NFIB: variants seen among roughly 807,000 people sequenced by gnomAD.
NFIB encodes nuclear factor 1 B-type.
Under a neutral mutation model 61.5 loss-of-function variants are expected in NFIB, and 11 were observed. The ratio of observed to expected loss-of-function variants is 0.18; its 90% CI spans 0.11 to 0.30. NFIB has a LOEUF of 0.30. Ranked by LOEUF, NFIB falls within the 10% of genes least tolerant of loss-of-function variation. The probability of loss-of-function intolerance (pLI) is 1.00; values close to 1 mark genes in which losing one functional copy is unlikely to be tolerated. For missense variants in NFIB, 471 were observed against 608.9 expected (o/e 0.77, Z 2.38); for synonymous variants, 260 against 216.5 (o/e 1.20, Z -1.76).
intron 10 of NFIB, among the ~76,000 whole-genome samples, chr9:14,107,695 T>A (rs1295858574): frequency 6.6e-6 from 1 of 152,088 alleles, no homozygotes; most frequent in African/African-American, 2.4e-5. Context: ...TGACTCCTAA[T>A]CCCTGGTTCT....
At chr9:14,531,101 T>C in the NFIB span, among the ~76,000 whole-genome samples, 1 of 152,172 alleles carries the variant, frequency 6.6e-6, no homozygotes, top group Non-Finnish European at 1.5e-5. Context: ...TAGCACTTTT[T>C]GGATGTGAAA....
At chr9:14,498,405 T>C in the NFIB span, among the ~76,000 whole-genome samples, 4 of 152,248 alleles carry the variant, frequency 2.6e-5, no homozygotes, top group Non-Finnish European at 5.9e-5. Context: ...CCAACTGTCC[T>C]ACTGGGTAGC....
the NFIB span, among the ~76,000 whole-genome samples, chr9:14,521,763 C>G: frequency 6.6e-6 from 1 of 152,188 alleles, no homozygotes; most frequent in Non-Finnish European, 1.5e-5. Flanking sequence ...AGCAATCACT[C>G]AGTCCCTAAA....
the NFIB span, among the ~76,000 whole-genome samples, chr9:14,503,088 G>GTA: frequency 0.11 from 15,709 of 147,236 alleles, 804 homozygotes; most frequent in African/African-American, 0.13. Flanking sequence ...GTATTTTATG[G>GTA]TATATATATA....
chr9:14,390,806 C>T (rs2061610706), intron 1 of NFIB, among the ~76,000 whole-genome samples: 1 of 152,190 alleles, frequency 6.6e-6, no homozygotes, highest in African/African-American at 2.4e-5. Flanking sequence ...AATCTGCTGG[C>T]ACATTGATCT....
chr9:14,096,731 C>T (rs982128230), intron 10 of NFIB: 3 of 152,212 alleles, frequency 2.0e-5, no homozygotes, highest in African/African-American at 7.2e-5. Flanking sequence ...GCCTTCTTCA[C>T]GCTTCGGCTC....
chr9:14,321,009 G>C (rs922084933), intron 1 of NFIB, among the ~76,000 whole-genome samples: 5 of 152,024 alleles, frequency 3.3e-5, no homozygotes, highest in Admixed American at 2.6e-4. Context: ...TCCAACCCGA[G>C]CAGAAGATGG....
rs948629290 is a variant in NFIB at position 14,387,011 on chromosome 9, T to C, written c.108+11513A>G. Among the ~76,000 whole-genome samples the C allele has an allele frequency of 2.6e-5, 4 of 152,218 alleles. No homozygotes were observed. The South Asian group carries it at 8.3e-4, about 32-fold the overall frequency. Reference sequence around the variant, plus strand: ...GAGGAGAAAAAATGTAAAATGAAACTGACCACAGAATGCTTTTCAAGGACT... The same window carrying C: ...GAGGAGAAAAAATGTAAAATGAAACCGACCACAGAATGCTTTTCAAGGACT... On this transcript the variant is annotated intron_variant, in intron 1 of 8. Transcript: ENST00000380934.
intron 2 of NFIB, among the ~76,000 whole-genome samples, chr9:14,211,564 G>A (rs750102671): frequency 6.6e-5 from 10 of 152,190 alleles, no homozygotes; most frequent in Non-Finnish European, 1.0e-4. Flanking sequence ...CTCAAGGCAC[G>A]GAACTGGACA....
chr9:14,088,194 C>T lies in NFIB; in HGVS notation c.*115G>A, dbSNP rs750275019. ...TTAAACTATTGTTGTGTTTCTTTTT[C>T]CCTCAGTTGCTTGTTTCTGCTTGAA... On this transcript the variant is annotated 3_prime_UTR_variant, in exon 11 of 11. Transcript: ENST00000380953. 3.3e-5 allele frequency: 49 copies of T among 1,505,544 alleles called. No individual in the cohort carries two copies. The highest frequency in any genetic ancestry group is 4.0e-5 in the Non-Finnish European group (45 of 1,122,324). 93.3% of individuals were successfully genotyped at this position (1,505,544 alleles called of 1,614,324 possible).
the NFIB span, among the ~76,000 whole-genome samples, chr9:14,501,336 C>T: frequency 2.0e-5 from 3 of 152,310 alleles, no homozygotes; most frequent in African/African-American, 7.2e-5. Context: ...CAGAGTCCTT[C>T]AAATGCACCT....
rs1424651253 is a variant in NFIB at position 14,086,384 on chromosome 9, T to TA, written c.*1924_*1925insT. On this transcript the variant is annotated 3_prime_UTR_variant, in exon 11 of 11. Coordinates refer to ENST00000380953, the MANE Select transcript of NFIB (RefSeq NM_001190737.2). ...AAACAAACAAAAAAGCATACATTAT[T>TA]TTTTTTTTAAATCTGTGTACTTACC... 4 of 218,262 alleles carry TA rather than the reference T, an allele frequency of 1.8e-5. No homozygotes were observed. The highest frequency in any genetic ancestry group is 1.2e-4 in the Admixed American group (2 of 17,130). 13.5% of individuals were successfully genotyped at this position (218,262 alleles called of 1,614,324 possible).
At chr9:14,154,936 T>C (rs1047973927) in intron 4 of NFIB, among the ~76,000 whole-genome samples, 6 of 152,166 alleles carry the variant, frequency 3.9e-5, no homozygotes, top group African/African-American at 7.2e-5. Flanking sequence ...ATAATTCTTA[T>C]TCATGACCTC....
At chr9:14,219,852 A>C (rs1263051634) in intron 2 of NFIB, among the ~76,000 whole-genome samples, 1 of 152,234 alleles carries the variant, frequency 6.6e-6, no homozygotes, top group Non-Finnish European at 1.5e-5. Context: ...CAATATATTA[A>C]GAATCCTCTG....
intron 2 of NFIB, among the ~76,000 whole-genome samples, chr9:14,216,032 G>C (rs1474786847): frequency 6.6e-6 from 1 of 152,128 alleles, no homozygotes; most frequent in Non-Finnish European, 1.5e-5. Context: ...TGACGATAAA[G>C]CTGGTATATT....
chr9:14,205,744 G>T (rs1002559687), intron 2 of NFIB, among the ~76,000 whole-genome samples: 3 of 152,140 alleles, frequency 2.0e-5, no homozygotes, highest in African/African-American at 7.2e-5. Flanking sequence ...CAAACTGGTG[G>T]TATTCATCAT....
At chr9:14,474,155 T>A in the NFIB span, among the ~76,000 whole-genome samples, 1 of 152,218 alleles carries the variant, frequency 6.6e-6, no homozygotes, top group Admixed American at 6.5e-5. Flanking sequence ...TTCAGGTGGC[T>A]TTAATAGAAT....
the NFIB span, among the ~76,000 whole-genome samples, chr9:14,531,739 G>A: frequency 6.6e-6 from 1 of 151,342 alleles, no homozygotes; most frequent in East Asian, 1.9e-4. Context: ...TAAAAAGAAG[G>A]CCTATGCCCC....
chr9:14,443,381 T>C, the NFIB span, among the ~76,000 whole-genome samples: 1 of 152,182 alleles, frequency 6.6e-6, no homozygotes, highest in Non-Finnish European at 1.5e-5. Flanking sequence ...ATCCAGCCTC[T>C]TCACTGACTG....
Sources: gnomAD v4.1 joint callset for allele counts (sites outside exome capture counted in the v4.1 genomes callset) on GRCh38, gnomAD v4.1.1 for gene constraint, MANE v1.5 for transcripts, NCBI Gene and HGNC (gene_info 2026-07-23, HGNC 2026-07-21) for gene names.